CHCHD6: variants seen among roughly 807,000 people sequenced by gnomAD.
CHCHD6 encodes MICOS complex subunit MIC25.
A neutral mutation model predicts 32.3 loss-of-function variants in CHCHD6; 28 were observed. That is an observed-to-expected ratio of 0.87 (90% confidence interval 0.64 to 1.19). CHCHD6 has a LOEUF of 1.19. Among genes scored for constraint, CHCHD6 ranks in the 50% most tolerant of loss-of-function variants. The probability of loss-of-function intolerance (pLI) is 0.00; values close to 1 mark genes in which losing one functional copy is unlikely to be tolerated. For missense variants in CHCHD6, 333 were observed against 307.0 expected (o/e 1.08, Z -0.63); for synonymous variants, 122 against 117.5 (o/e 1.04, Z -0.25).
At chr3:126,896,933 TCCCA>T (rs1439001380) in intron 5 of CHCHD6, among the ~76,000 whole-genome samples, 1 of 152,198 alleles carries the variant, frequency 6.6e-6, no homozygotes, top group Non-Finnish European at 1.5e-5. Flanking sequence ...ATTTTCCCTG[TCCCA>T]TCCTTTCAGT....
chr3:126,719,436 C>A (rs1230137492), intron 1 of CHCHD6, among the ~76,000 whole-genome samples: 1 of 152,216 alleles, frequency 6.6e-6, no homozygotes, highest in East Asian at 1.9e-4. Flanking sequence ...TTTCTTCTTT[C>A]ATAGATAGCA....
intron 5 of CHCHD6, among the ~76,000 whole-genome samples, chr3:126,888,389 A>G (rs998703198): frequency 3.3e-5 from 5 of 152,214 alleles, no homozygotes; most frequent in Admixed American, 3.3e-4. Flanking sequence ...TCTGTTATCT[A>G]ACATCTGAGC....
chr3:126,874,522 G>A (rs2077516225), intron 5 of CHCHD6, among the ~76,000 whole-genome samples: 1 of 152,096 alleles, frequency 6.6e-6, no homozygotes, highest in South Asian at 2.1e-4. Flanking sequence ...TGAGGCTGCA[G>A]GTGCTCTGTA....
intron 4 of CHCHD6, among the ~76,000 whole-genome samples, chr3:126,851,559 G>T (rs2107551766): frequency 6.6e-6 from 1 of 152,288 alleles, no homozygotes; most frequent in South Asian, 2.1e-4. Context: ...CCTCCATACA[G>T]TCACAAAAGG....
chr3:126,790,295 T>G (rs935792245), intron 4 of CHCHD6, among the ~76,000 whole-genome samples: 1 of 152,282 alleles, frequency 6.6e-6, no homozygotes, highest in South Asian at 2.1e-4. Flanking sequence ...CTGACAGTTA[T>G]GTGTCTTGGA....
chr3:126,875,786 TG>T (rs1418364324), intron 5 of CHCHD6, among the ~76,000 whole-genome samples: 1 of 152,242 alleles, frequency 6.6e-6, no homozygotes, highest in Admixed American at 6.5e-5. Context: ...ACTGTATTTT[TG>T]TTTTTTCTTA....
At chr3:126,719,268 C>A (rs1935165322) in intron 1 of CHCHD6, among the ~76,000 whole-genome samples, 1 of 152,238 alleles carries the variant, frequency 6.6e-6, no homozygotes, top group Non-Finnish European at 1.5e-5. Flanking sequence ...TGTGCTTCTC[C>A]CCTCTCCTGG....
chr3:126,885,251 G>C (rs534308538), intron 5 of CHCHD6, among the ~76,000 whole-genome samples: 1 of 152,302 alleles, frequency 6.6e-6, no homozygotes, highest in East Asian at 1.9e-4. Flanking sequence ...TGAATACTTG[G>C]TGTCAGGGTT....
chr3:126,744,460 TGGTG>T (rs1936410621), intron 4 of CHCHD6, among the ~76,000 whole-genome samples: 1 of 152,176 alleles, frequency 6.6e-6, no homozygotes, highest in African/African-American at 2.4e-5. Context: ...TTTGTCTACT[TGGTG>T]GGTGAGCCAG....
intron 5 of CHCHD6, among the ~76,000 whole-genome samples, chr3:126,856,557 G>A (rs987666789): frequency 1.3e-5 from 2 of 152,260 alleles, no homozygotes; most frequent in African/African-American, 4.8e-5. Flanking sequence ...CCTTTGCTCA[G>A]TTGCCAGTTT....
chr3:126,719,686 C>T (rs751233071), intron 1 of CHCHD6, among the ~76,000 whole-genome samples: 15 of 152,070 alleles, frequency 9.9e-5, no homozygotes, highest in Non-Finnish European at 1.6e-4. Context: ...ACCTGCCATC[C>T]GAATGTGAGC....
At chr3:126,937,060 G>A (rs1161520050) in intron 6 of CHCHD6, among the ~76,000 whole-genome samples, 1 of 152,248 alleles carries the variant, frequency 6.6e-6, no homozygotes, top group African/African-American at 2.4e-5. Flanking sequence ...TGTGGGTAGA[G>A]AGCTGGGCAA....
At position 126,880,740 on chromosome 3, in the gene CHCHD6, A is replaced by G. The variant is rs999835165; in HGVS notation, c.495+28010A>G. On this transcript the variant is annotated intron_variant, in intron 5 of 7. Transcript: ENST00000290913. ...AAGAGGCATGTAAAAAGTATATAGC[A>G]TTAGAAGAGAGTTACAGTGCTCAAG... Among the ~76,000 whole-genome samples the G allele has an allele frequency of 2.6e-5, 4 of 152,338 alleles. No homozygotes were observed. The East Asian group carries it at 7.7e-4, about 29-fold the overall frequency.
At chr3:126,704,884 T>A (rs370439631) in intron 1 of CHCHD6, among the ~76,000 whole-genome samples, 20 of 152,294 alleles carry the variant, frequency 1.3e-4, no homozygotes, top group East Asian at 1.2e-3. Context: ...CTTCCTTGCC[T>A]GAAACCCTCC....
intron 4 of CHCHD6, among the ~76,000 whole-genome samples, chr3:126,842,208 T>C (rs1353924788): frequency 1.3e-5 from 2 of 152,226 alleles, no homozygotes; most frequent in Non-Finnish European, 2.9e-5. Flanking sequence ...ACGGGACATT[T>C]CTTGGAGTAC....
intron 6 of CHCHD6, among the ~76,000 whole-genome samples, chr3:126,916,247 G>A (rs575443339): frequency 8.6e-5 from 13 of 151,800 alleles, no homozygotes; most frequent in Non-Finnish European, 1.3e-4. Flanking sequence ...CTAAAAATAC[G>A]AAAATTAGCC....
intron 4 of CHCHD6, among the ~76,000 whole-genome samples, chr3:126,768,484 A>G (rs1040727646): frequency 1.3e-5 from 2 of 152,298 alleles, no homozygotes; most frequent in Non-Finnish European, 2.9e-5. Context: ...TAAACTACCC[A>G]GTCTCAGGTA....
At chr3:126,825,145 A>G (rs1202312849) in intron 4 of CHCHD6, among the ~76,000 whole-genome samples, 1 of 151,564 alleles carries the variant, frequency 6.6e-6, no homozygotes, top group Non-Finnish European at 1.5e-5. Flanking sequence ...TTTCTAATCT[A>G]TTTTGATTTT....
chr3:126,855,286 G>T (rs1559882875), intron 5 of CHCHD6, among the ~76,000 whole-genome samples: 1 of 152,216 alleles, frequency 6.6e-6, no homozygotes, highest in Non-Finnish European at 1.5e-5. Context: ...ATGAGCCTTG[G>T]CTCCCACACA....
Sources: gnomAD v4.1 joint callset for allele counts (sites outside exome capture counted in the v4.1 genomes callset) on GRCh38, gnomAD v4.1.1 for gene constraint, MANE v1.5 for transcripts, NCBI Gene and HGNC (gene_info 2026-07-23, HGNC 2026-07-21) for gene names.